The following CTNNBL1 variants were observed in gnomAD, a reference collection of about 807,000 sequenced individuals.
CTNNBL1 encodes beta-catenin-like protein 1.
CTNNBL1 carries 31 observed loss-of-function variants against 72.7 expected under a neutral mutation model. That is an observed-to-expected ratio of 0.43 (90% CI 0.32 to 0.58). The LOEUF (loss-of-function observed/expected upper bound fraction) is 0.58, where lower values mean the gene tolerates loss of function less well. Among genes scored for constraint, CTNNBL1 ranks in the 20% least tolerant of loss-of-function variants. The pLI, the probability that CTNNBL1 is intolerant of heterozygous loss-of-function variation, is 0.08. For synonymous variants in CTNNBL1, 240 were observed against 267.3 expected (o/e 0.90, Z 1.00); for missense variants, 534 against 725.1 (o/e 0.74, Z 3.03).
intron 7 of CTNNBL1, among the ~76,000 whole-genome samples, chr20:37,772,644 G>A (rs1391497956): frequency 2.6e-5 from 4 of 152,244 alleles, no homozygotes; most frequent in South Asian, 4.2e-4. Context: ...CACTGCGCCC[G>A]GCCCAGTCTG....
intron 11 of CTNNBL1, among the ~76,000 whole-genome samples, chr20:37,835,062 C>T (rs1380414635): frequency 6.6e-6 from 1 of 152,152 alleles, no homozygotes; most frequent in East Asian, 1.9e-4. Flanking sequence ...ATAAAGAGTT[C>T]ATAGAAGTCA....
chr20:37,731,317 C>T (rs2073126224), intron 1 of CTNNBL1, among the ~76,000 whole-genome samples: 1 of 151,934 alleles, frequency 6.6e-6, no homozygotes, highest in Admixed American at 6.6e-5. Flanking sequence ...CTCACCGCAA[C>T]CTCTGCCTCC....
At chr20:37,795,636 G>C (rs537365070) in intron 10 of CTNNBL1, among the ~76,000 whole-genome samples, 1 of 152,106 alleles carries the variant, frequency 6.6e-6, no homozygotes, top group African/African-American at 2.4e-5. Flanking sequence ...CTCATCTACT[G>C]TATTTTTCCT....
chr20:37,820,599 T>G (rs946479751), intron 11 of CTNNBL1, among the ~76,000 whole-genome samples: 4 of 152,142 alleles, frequency 2.6e-5, no homozygotes, highest in South Asian at 4.2e-4. Context: ...TCCCCCAATC[T>G]CTTCTCGTGA....
intron 10 of CTNNBL1, among the ~76,000 whole-genome samples, chr20:37,783,277 T>C (rs912486200): frequency 2.0e-5 from 3 of 152,146 alleles, no homozygotes; most frequent in Non-Finnish European, 4.4e-5. Flanking sequence ...TTAATCTGGC[T>C]AAAGGTTTAT....
intron 15 of CTNNBL1, among the ~76,000 whole-genome samples, chr20:37,863,658 G>A (rs2072511108): frequency 6.6e-6 from 1 of 152,218 alleles, no homozygotes; most frequent in East Asian, 1.9e-4. Flanking sequence ...GTGGGGTGTG[G>A]CTGGGCAGGG....
rs144088536 is a variant in CTNNBL1, at chr20:37,768,098, A to G, written c.750+54A>G. 2,165 of 1,443,308 alleles carry G rather than the reference A, an allele frequency of 1.5e-3. 22 individuals are homozygous for G. In the African/African-American group the frequency reaches 0.026, roughly 17 times the overall value. 89.4% of individuals were successfully genotyped at this position (1,443,308 alleles called of 1,614,324 possible). On this transcript the variant is annotated intron_variant, in intron 7 of 15. Transcript: ENST00000361383. Reference sequence around the variant, plus strand: ...CACACCTGTCTTTGCTCTGGGCTTGATTGATGCTGGGTTATTGGCATAGAC... The same window carrying G: ...CACACCTGTCTTTGCTCTGGGCTTGGTTGATGCTGGGTTATTGGCATAGAC...
At chr20:37,861,455 G>A (rs1308944288) in intron 15 of CTNNBL1, among the ~76,000 whole-genome samples, 5 of 152,218 alleles carry the variant, frequency 3.3e-5, no homozygotes, top group African/African-American at 7.2e-5. Flanking sequence ...CAGTACTGAC[G>A]ATGCCGGAGT....
chr20:37,735,904 G>A (rs1237264361), intron 2 of CTNNBL1, among the ~76,000 whole-genome samples: 1 of 152,220 alleles, frequency 6.6e-6, no homozygotes, highest in Non-Finnish European at 1.5e-5. Flanking sequence ...CTACAAAGCT[G>A]TGAAGCTTTG....
At chr20:37,815,427 C>T (rs1212462811) in intron 11 of CTNNBL1, among the ~76,000 whole-genome samples, 4 of 151,902 alleles carry the variant, frequency 2.6e-5, no homozygotes, top group Non-Finnish European at 5.9e-5. Context: ...AAGCGATTCT[C>T]CTGCCTCAGC....
intron 4 of CTNNBL1, among the ~76,000 whole-genome samples, chr20:37,756,834 T>A (rs115509622): frequency 0.037 from 5,526 of 149,756 alleles, 316 homozygotes; most frequent in African/African-American, 0.13. Context: ...TTTAGTAGAG[T>A]CAAGGTCTCA....
At chr20:37,734,425 A>G (rs1761283576) in intron 2 of CTNNBL1, among the ~76,000 whole-genome samples, 1 of 152,160 alleles carries the variant, frequency 6.6e-6, no homozygotes, top group Non-Finnish European at 1.5e-5. Context: ...CTTCTGCTCA[A>G]TCTGTTAGCC....
chr20:37,703,446 A>G (rs1273088447), intron 1 of CTNNBL1, among the ~76,000 whole-genome samples: 1 of 152,222 alleles, frequency 6.6e-6, no homozygotes, highest in African/African-American at 2.4e-5. Context: ...GTCTTTTGCC[A>G]AAGATTTTCT....
chr20:37,852,447 T>C (rs576694307), intron 13 of CTNNBL1, among the ~76,000 whole-genome samples: 1 of 152,324 alleles, frequency 6.6e-6, no homozygotes, highest in African/African-American at 2.4e-5. Context: ...TCATCAGTGT[T>C]GGCCATCATG....
chr20:37,737,676 A>T (rs1253112499), intron 3 of CTNNBL1, among the ~76,000 whole-genome samples, 192 bp downstream of exon 3: 1 of 152,222 alleles, frequency 6.6e-6, no homozygotes, highest in Non-Finnish European at 1.5e-5. Flanking sequence ...TTTATTACAC[A>T]GGGCACACAA....
intron 10 of CTNNBL1, among the ~76,000 whole-genome samples, chr20:37,785,896 CAGGTATTTAGAG>C (rs2073668923): frequency 1.3e-5 from 2 of 152,116 alleles, no homozygotes. Flanking sequence ...GAAGGCTTTC[CAGGTATTTAGAG>C]AGTCTTGGGT....
chr20:37,844,541 C>A (rs2072331277), intron 13 of CTNNBL1, among the ~76,000 whole-genome samples: 1 of 152,180 alleles, frequency 6.6e-6, no homozygotes, highest in African/African-American at 2.4e-5. Flanking sequence ...CTTGCCACTT[C>A]TAGCTCTGAG....
At chr20:37,856,859 C>T (rs1481388236) in intron 13 of CTNNBL1, among the ~76,000 whole-genome samples, 2 of 152,134 alleles carry the variant, frequency 1.3e-5, no homozygotes, top group African/African-American at 4.8e-5. Context: ...CCAGGGCTTC[C>T]CTTACCTCCA....
Position 37,737,249 on chromosome 20 carries a change from T to A in CTNNBL1, c.220-129T>A. On this transcript the variant is annotated intron_variant, in intron 2 of 15. Coordinates refer to ENST00000361383, the MANE Select transcript of CTNNBL1 (RefSeq NM_030877.5). The stretch of plus-strand genomic sequence containing the variant: ...AAAAAACAAAACAAAACAAAAAAAG[T>A]GTACTGTACATTGAACCCAGAAAGG... 3 of 661,660 alleles carry A rather than the reference T, an allele frequency of 4.5e-6. No individual in the cohort carries two copies. In the South Asian group the frequency reaches 5.9e-5, roughly 13 times the overall value. The allele number at this position is 661,660 out of a possible 1,614,324, so 41.0% of individuals were successfully genotyped here. A position where few individuals can be genotyped will look rare whatever the true frequency, so the allele number is the denominator to read the frequency against.
Sources: allele counts gnomAD v4.1 joint callset (sites outside exome capture counted in the v4.1 genomes callset), GRCh38; gene constraint gnomAD v4.1.1; transcripts MANE v1.5; gene names NCBI Gene and HGNC (gene_info 2026-07-23, HGNC 2026-07-21).